The following PFKP variants were observed in gnomAD, a reference collection of about 807,000 sequenced individuals.
The protein encoded by PFKP is ATP-dependent 6-phosphofructokinase, platelet type.
A neutral mutation model predicts 94.3 loss-of-function variants in PFKP; 101 were observed. The ratio of observed to expected loss-of-function variants is 1.07; its 90% CI spans 0.91 to 1.26. The LOEUF (loss-of-function observed/expected upper bound fraction) is 1.26. PFKP is among the 50% of genes most tolerant of loss of function. PFKP has a pLI of 0.00. For synonymous variants in PFKP, 573 were observed against 432.6 expected (o/e 1.32, Z -4.03); for missense variants, 1,145 against 1,103.3 (o/e 1.04, Z -0.53).
chr10:3,135,556 C>T (rs1461413844), intron 20 of PFKP, among the ~76,000 whole-genome samples, 180 bp from the exon 21 acceptor site: 1 of 152,198 alleles, frequency 6.6e-6, no homozygotes, highest in African/African-American at 2.4e-5. Flanking sequence ...CCCACAGGAG[C>T]AGAGCTGCAC....
At chr10:3,071,843 TTTG>T (rs1180994572) in intron 1 of PFKP, among the ~76,000 whole-genome samples, 2 of 152,250 alleles carry the variant, frequency 1.3e-5, no homozygotes, top group African/African-American at 4.8e-5. Context: ...TTAATGACTC[TTTG>T]TTATGTGGCA....
intron 10 of PFKP, among the ~76,000 whole-genome samples, chr10:3,110,507 C>T (rs1836087758): frequency 2.0e-5 from 3 of 151,876 alleles, no homozygotes; most frequent in South Asian, 2.1e-4. Flanking sequence ...TGAGCCACCA[C>T]GCCCAGCTGT....
Position 3,118,818 on chromosome 10 carries a change from A to C in PFKP, c.1479A>C (p.Thr493=). The C allele has an allele frequency of 6.2e-7, 1 of 1,613,892 alleles. No homozygotes were observed. The highest frequency in any genetic ancestry group is 8.5e-7 in the Non-Finnish European group (1 of 1,179,892). The stretch of plus-strand genomic sequence containing the variant: ...GGAAGTACTTGGAAGAGATCGCCAC[A>C]CAGATGCGCACGCACAGCATCAACG... ...LPGKYLEEIA[T]QMRTHSINAL... is the part of the protein sequence containing the mutation. Residue 493 remains threonine (T), a synonymous_variant, in exon 15 of 22, where the codon ACA becomes ACC. Coordinates refer to ENST00000381125, the MANE Select transcript of PFKP (RefSeq NM_002627.5).
At chr10:3,095,631 A>T (rs1376754977) in intron 2 of PFKP, among the ~76,000 whole-genome samples, 1 of 152,232 alleles carries the variant, frequency 6.6e-6, no homozygotes, top group Non-Finnish European at 1.5e-5. Context: ...TGGAAGGCAA[A>T]TTCCAAAAGG....
In PFKP at chr10:3,120,176, TTC is replaced by T. The variant is rs1837257834; in HGVS notation, c.1683+133_1683+134del. ...TGAATGAGAGCTTCTCGTTCTTTTT[TTC>T]CCCCAGAAAAGTATGTTTTAAGACT... On this transcript the variant is annotated intron_variant, in intron 16 of 21. Transcript: ENST00000381125. The T allele has an allele frequency of 4.0e-6, 3 of 749,310 alleles. No homozygotes were observed. In the Middle Eastern group the frequency reaches 1.1e-3, roughly 273 times the overall value. The allele number at this position is 749,310 out of a possible 1,614,324, so 46.4% of individuals were successfully genotyped here. A position where few individuals can be genotyped will look rare whatever the true frequency, so the allele number is the denominator to read the frequency against.
intron 1 of PFKP, among the ~76,000 whole-genome samples, chr10:3,075,719 A>C (rs1377352848): frequency 6.6e-6 from 1 of 150,792 alleles, no homozygotes; most frequent in East Asian, 1.9e-4. Context: ...CCTGGGCAAC[A>C]TGGCAAGACC....
intron 19 of PFKP, among the ~76,000 whole-genome samples, 185 bp from the exon 20 acceptor site, chr10:3,134,298 G>A (rs185654545): frequency 6.6e-6 from 1 of 152,164 alleles, no homozygotes; most frequent in African/African-American, 2.4e-5. Context: ...TGAGCGGGGG[G>A]AACACTTGAT....
At chr10:3,104,056 C>G (rs558744868) in intron 5 of PFKP, 112 bp downstream of exon 5, 11 of 951,216 alleles carry the variant, frequency 1.2e-5, no homozygotes, top group South Asian at 1.8e-5. Context: ...TGGTGCTGGT[C>G]TCGTAACTTG....
intron 7 of PFKP, among the ~76,000 whole-genome samples, chr10:3,106,069 C>T (rs12769974): frequency 0.26 from 31,754 of 123,308 alleles, 6,689 homozygotes; most frequent in East Asian, 0.47. Context: ...ACGCCGTTTT[C>T]TCTCTCCCGA....
At chr10:3,069,702 G>C (rs1416327830) in intron 1 of PFKP, among the ~76,000 whole-genome samples, 1 of 151,924 alleles carries the variant, frequency 6.6e-6, no homozygotes, top group Non-Finnish European at 1.5e-5. Flanking sequence ...GGGCAACATA[G>C]TGAGACTCTG....
Position 3,113,624 on chromosome 10 carries a change from C to T in PFKP, c.1371+106C>T, listed in dbSNP as rs1836491288. On this transcript the variant is annotated intron_variant, in intron 13 of 21. Coordinates refer to ENST00000381125, the MANE Select transcript of PFKP (RefSeq NM_002627.5). ...ATGGCCCTCATACCTTTTCATGCCT[C>T]AGTCCGGGATCCTGTGATATTGTGA... 3 of 732,512 alleles carry T rather than the reference C, an allele frequency of 4.1e-6. No homozygotes were observed. In the South Asian group the frequency reaches 5.5e-5, roughly 14 times the overall value. 45.4% of individuals were successfully genotyped at this position (732,512 alleles called of 1,614,324 possible).
chr10:3,091,803 GTCTTTTA>G (rs944045743), intron 2 of PFKP, among the ~76,000 whole-genome samples: 7 of 152,080 alleles, frequency 4.6e-5, no homozygotes, highest in Admixed American at 2.6e-4. Context: ...AAAGAAAAAA[GTCTTTTA>G]TCTTAATTTT....
chr10:3,101,335 A>C, intron 3 of PFKP, 30 bp from the exon 4 acceptor site: 1 of 1,547,686 alleles, frequency 6.5e-7, no homozygotes, highest in Non-Finnish European at 8.8e-7. Context: ...TCAGACTGAG[A>C]GGAGATAAAT....
At chr10:3,112,612 C>T (rs570603181) in intron 11 of PFKP, among the ~76,000 whole-genome samples, 2 of 152,338 alleles carry the variant, frequency 1.3e-5, no homozygotes, top group African/African-American at 4.8e-5. Context: ...GGCTAAAGTG[C>T]AGTGGTGCCA....
chr10:3,099,353 G>T lies in PFKP; in HGVS notation c.264+1G>T, dbSNP rs1422778134. 6.2e-7 allele frequency: 1 copy of T among 1,612,900 alleles called. No homozygotes were observed. Among genetic ancestry groups the T allele is most frequent in the Non-Finnish European group, 8.5e-7 (1 of 1,178,852 alleles). The stretch of plus-strand genomic sequence containing the variant: ...GAGTGTCTCCAGCATCCTGCAAGTG[G>T]TAGGTACTGGGCTGCGTCCACAGGG... On this transcript the variant is annotated splice_donor_variant, in intron 3 of 21. Coordinates refer to ENST00000381125, the MANE Select transcript of PFKP (RefSeq NM_002627.5). LOFTEE classifies it high-confidence loss of function.
intron 16 of PFKP, 95 bp from the exon 17 acceptor site, chr10:3,129,724 G>T: frequency 2.2e-6 from 3 of 1,333,988 alleles, no homozygotes; most frequent in Admixed American, 1.8e-5. Context: ...GGGCGCGGTG[G>T]GGGGGCCTTG....
chr10:3,120,807 G>C (rs1008856834), intron 16 of PFKP, among the ~76,000 whole-genome samples: 1 of 152,130 alleles, frequency 6.6e-6, no homozygotes, highest in East Asian at 1.9e-4. Flanking sequence ...CCACAGGCAT[G>C]TGCCACCATT....
chr10:3,135,896 A>C (rs937558540), intron 21 of PFKP, 58 bp downstream of exon 21: 32 of 992,990 alleles, frequency 3.2e-5, no homozygotes, highest in Non-Finnish European at 3.5e-5. Flanking sequence ...GGGACAGGGG[A>C]ATGGCCATTG....
In PFKP at chr10:3,071,184, C is replaced by T. The variant is rs144803895; in HGVS notation, c.112+3477C>T. Among the ~76,000 whole-genome samples, 251 of 152,160 alleles carry T rather than the reference C, an allele frequency of 1.6e-3. 1 individual carries two copies. The highest frequency in any genetic ancestry group is 8.9e-3 in the South Asian group (43 of 4,808). On this transcript the variant is annotated intron_variant, in intron 1 of 21. Transcript: ENST00000381125. ...TCTTTGGGTGGCTTTGTTAGGGGAA[C>T]GGAAAATGCCTTTTTATAGTGATAG...
Sources: allele counts gnomAD v4.1 joint callset (sites outside exome capture counted in the v4.1 genomes callset), GRCh38; gene constraint gnomAD v4.1.1; transcripts MANE v1.5; gene names NCBI Gene and HGNC (gene_info 2026-07-23, HGNC 2026-07-21).